Variants in PIK3R4 observed in about 807,000 individuals in gnomAD.
The protein encoded by PIK3R4 is phosphoinositide-3-kinase regulatory subunit 4.
PIK3R4 carries 46 observed loss-of-function variants against 136.5 expected under a neutral mutation model. That is an observed-to-expected ratio of 0.34 (90% CI 0.27 to 0.43). PIK3R4 has a LOEUF of 0.43. Ranked by LOEUF, PIK3R4 falls within the 20% of genes least tolerant of loss-of-function variation. The pLI, the probability that PIK3R4 is intolerant of heterozygous loss-of-function variation, is 1.00. For synonymous variants in PIK3R4, 557 were observed against 566.7 expected (o/e 0.98, Z 0.24); for missense variants, 1,331 against 1,649.5 (o/e 0.81, Z 3.35).
rs1157708048 is a variant in PIK3R4, at chr3:130,730,362, G to A, written c.1531C>T (p.Pro511Ser). 1.9e-6 allele frequency: 3 copies of A among 1,597,384 alleles called. No homozygotes were observed. The highest frequency in any genetic ancestry group is 1.1e-5 in the South Asian group (1 of 88,630). Residue 511 changes from proline (P) to serine (S), a missense_variant, in exon 5 of 20, where the codon CCC becomes TCC. Transcript: ENST00000356763. ...ACCTCATCTATTTCTTCATTATTGG[G>A]GTCATTTTCCATATTAAGATTTTTT... ...QLKNLNMEND[P>S]NNEEIDEVTH...
intron 12 of PIK3R4, 73 bp from the exon 13 acceptor site, chr3:130,703,961 A>T (rs1289664046): frequency 7.3e-6 from 7 of 958,830 alleles, no homozygotes. Flanking sequence ...CCCTGTTATA[A>T]TAACCAACAA....
intron 13 of PIK3R4, among the ~76,000 whole-genome samples, chr3:130,690,894 C>CT (rs1247659280): frequency 0.13 from 17,232 of 131,804 alleles, 4,017 homozygotes; most frequent in African/African-American, 0.47. Flanking sequence ...TCCTTCTCCT[C>CT]TTTTTTTTTT....
intron 4 of PIK3R4, among the ~76,000 whole-genome samples, chr3:130,731,472 C>G (rs936673499): frequency 1.3e-5 from 2 of 152,100 alleles, no homozygotes; most frequent in Admixed American, 1.3e-4. Context: ...TCTAAGTAAG[C>G]AAGATGTAAA....
At chr3:130,734,215 C>A in intron 3 of PIK3R4, 85 bp from the exon 4 acceptor site, 6 of 1,089,712 alleles carry the variant, frequency 5.5e-6, no homozygotes, top group South Asian at 3.1e-5. Flanking sequence ...AATTTACATA[C>A]GATTTAAAGG....
chr3:130,682,064 C>T (rs780658940), intron 16 of PIK3R4, among the ~76,000 whole-genome samples: 15 of 152,126 alleles, frequency 9.9e-5, no homozygotes, highest in South Asian at 4.1e-4. Flanking sequence ...TGGCTGGGTC[C>T]GCCAGCCTGT....
At chr3:130,691,381 G>A (rs1314669302) in intron 13 of PIK3R4, among the ~76,000 whole-genome samples, 1 of 152,138 alleles carries the variant, frequency 6.6e-6, no homozygotes, top group Non-Finnish European at 1.5e-5. Flanking sequence ...GGACCATAGG[G>A]AAAATCAGGT....
chr3:130,701,283 G>C (rs573105121), intron 13 of PIK3R4, among the ~76,000 whole-genome samples: 1 of 152,014 alleles, frequency 6.6e-6, no homozygotes. Flanking sequence ...AGGCTGAGGC[G>C]GGCGGATCAC....
At position 130,730,780 on chromosome 3, in the gene PIK3R4, TA is replaced by T. The variant is rs1457001040; in HGVS notation, c.1451-339del. On this transcript the variant is annotated intron_variant, in intron 4 of 19. Transcript: ENST00000356763. ...GTATCCTTGACAAGTGAGAGATATT[TA>T]TTAGACTAACAAAGAAACATCCACA... 2.0e-5 allele frequency among the ~76,000 whole-genome samples: 3 copies of T among 151,280 alleles called. No individual in the cohort carries two copies. The East Asian group carries it at 5.8e-4, about 29-fold the overall frequency.
rs779465049 is a variant in PIK3R4, at chr3:130,690,692, T to C, written c.3099-38A>G. 5 of 1,312,684 alleles carry C rather than the reference T, an allele frequency of 3.8e-6. No individual in the cohort carries two copies. The African/African-American group carries it at 5.9e-5, about 15-fold the overall frequency. The allele number at this position is 1,312,684 out of a possible 1,614,324, so 81.3% of individuals were successfully genotyped here. A position where few individuals can be genotyped will look rare whatever the true frequency, so the allele number is the denominator to read the frequency against. On this transcript the variant is annotated intron_variant, in intron 13 of 19. Coordinates refer to ENST00000356763, the MANE Select transcript of PIK3R4 (RefSeq NM_014602.3). ...AAAATAAAATTCATTTATGAACCAA[T>C]GTCACTGCTAATGTTAAATATCCAC...
In PIK3R4 at chr3:130,716,734, T is replaced by C. The variant is rs182594754; in HGVS notation, c.2128-135A>G. The C allele has an allele frequency of 1.7e-4, 105 of 625,470 alleles. No homozygotes were observed. In the African/African-American group the frequency reaches 1.8e-3, roughly 11 times the overall value. 38.7% of individuals were successfully genotyped at this position (625,470 alleles called of 1,614,324 possible). The stretch of plus-strand genomic sequence containing the variant: ...TAAGATATCAACATCTGTAAGTGTG[T>C]AGAAGAAAAAAGAATACTAGTAAAA... On this transcript the variant is annotated intron_variant, in intron 8 of 19. Coordinates refer to ENST00000356763, the MANE Select transcript of PIK3R4 (RefSeq NM_014602.3).
chr3:130,744,971 T>A lies in PIK3R4; in HGVS notation c.248A>T (p.Asn83Ile). 3 of 1,614,204 alleles carry A rather than the reference T, an allele frequency of 1.9e-6. No homozygotes were observed. Among genetic ancestry groups the A allele is most frequent in the Non-Finnish European group, 2.5e-6 (3 of 1,180,026 alleles). Residue 83 changes from asparagine (N) to isoleucine (I), a missense_variant, in exon 2 of 20, where the codon AAT becomes ATT. By Grantham distance (149) the Asn-to-Ile change is moderately radical (BLOSUM62 -3). Coordinates refer to ENST00000356763, the MANE Select transcript of PIK3R4 (RefSeq NM_014602.3). ...ELKIRLNSAQ[N>I]CLPFQKASEK... ...TGATGCTTTCTGGAAAGGTAGACAATTCTGTGCAGAATTAAGCCTGATTTT... is the reference window on the plus strand; with the variant it reads ...TGATGCTTTCTGGAAAGGTAGACAAATCTGTGCAGAATTAAGCCTGATTTT...
intron 2 of PIK3R4, among the ~76,000 whole-genome samples, chr3:130,742,208 C>T (rs1314334597): frequency 6.6e-6 from 1 of 152,150 alleles, no homozygotes. Context: ...ACAGATGCCA[C>T]CCACCTCTTT....
chr3:130,679,704 T>G (rs763312377), intron 19 of PIK3R4, among the ~76,000 whole-genome samples: 2 of 152,164 alleles, frequency 1.3e-5, no homozygotes, highest in African/African-American at 2.4e-5. Flanking sequence ...CTTATAACTA[T>G]GGAAAACTTA....
At chr3:130,725,631 GA>G (rs1169636950) in intron 6 of PIK3R4, among the ~76,000 whole-genome samples, 1 of 150,810 alleles carries the variant, frequency 6.6e-6, no homozygotes, top group Non-Finnish European at 1.5e-5. Flanking sequence ...ACTGACTTCA[GA>G]AAAACTGTCT....
At position 130,705,580 on chromosome 3, in the gene PIK3R4, C is replaced by A; in HGVS notation, c.2913G>T (p.Glu971Asp). Residue 971 changes from glutamate (E) to aspartate (D), a missense_variant, in exon 12 of 20, where the codon GAG becomes GAT. Around this residue, in one of 2 missense-constraint regions of PIK3R4, gnomAD observed 1,180 missense variants for 1,407.0 expected, o/e 0.84. Coordinates refer to ENST00000356763, the MANE Select transcript of PIK3R4 (RefSeq NM_014602.3). ...TTTTACCAGGTGGTGGTGGTTTACT[C>A]TCCCATTCAGCATTTTCCATCATCT... ...AKQMMENAEW[E>D]SKPPPPGWRP... is the part of the protein sequence containing the mutation. 6.2e-7 allele frequency: 1 copy of A among 1,612,460 alleles called. No homozygotes were observed.
At chr3:130,714,056 G>T (rs1270484714) in intron 9 of PIK3R4, among the ~76,000 whole-genome samples, 3 of 152,180 alleles carry the variant, frequency 2.0e-5, no homozygotes, top group Non-Finnish European at 4.4e-5. Context: ...GAAACACTTA[G>T]ATTGAGATGA....
intron 14 of PIK3R4, among the ~76,000 whole-genome samples, chr3:130,687,182 C>G (rs192470854): frequency 1.3e-3 from 195 of 152,006 alleles, no homozygotes; most frequent in Non-Finnish European, 2.2e-3. Flanking sequence ...CCTTATACAC[C>G]TAGCCTGATG....
Position 130,718,533 on chromosome 3 carries a change from G to C in PIK3R4, c.1983C>G (p.Ala661=). Residue 661 remains alanine (A), a splice_region_variant and synonymous_variant, in exon 8 of 20, where the codon GCC becomes GCG. Transcript: ENST00000356763. ...ATAAATTGGGATGACACAGGAAGGG[G>C]GCTAAAGAGGAAAAGAAAAGGTAGG... ...PHVYEFASDI[A]PFLCHPNLWI... is the part of the protein sequence containing the mutation. The C allele has an allele frequency of 6.2e-7, 1 of 1,613,604 alleles. No homozygotes were observed. Among genetic ancestry groups the C allele is most frequent in the Admixed American group, 1.7e-5 (1 of 59,976 alleles).
intron 2 of PIK3R4, among the ~76,000 whole-genome samples, chr3:130,738,368 C>CATA (rs2066798180): frequency 6.6e-6 from 1 of 152,080 alleles, no homozygotes; most frequent in Admixed American, 6.6e-5. Flanking sequence ...AGTTGAGGAA[C>CATA]ATAAGCACAT....
Sources: gnomAD v4.1 joint callset for allele counts (sites outside exome capture counted in the v4.1 genomes callset) on GRCh38, gnomAD v4.1.1 for gene constraint, gnomAD v4.1.1 regional missense constraint, MANE v1.5 for transcripts, NCBI Gene and HGNC (gene_info 2026-07-23, HGNC 2026-07-21) for gene names.